The following SNX25 variants were observed in gnomAD, a reference collection of about 807,000 sequenced individuals.
The protein encoded by SNX25 is sorting nexin 25.
Under a neutral mutation model 113.7 loss-of-function variants are expected in SNX25, and 62 were observed. That is an observed-to-expected ratio of 0.55 (90% confidence interval 0.44 to 0.67). The LOEUF (loss-of-function observed/expected upper bound fraction) is 0.67, where lower values mean the gene tolerates loss of function less well. SNX25 is among the 30% of genes least tolerant of loss of function. The pLI is 0.00. For synonymous variants in SNX25, 421 were observed against 436.2 expected, an observed-to-expected ratio of 0.97 and a Z score of 0.43; for missense variants, 1,014 against 1,161.0, an observed-to-expected ratio of 0.87 and a Z score of 1.84.
At chr4:185,258,797 G>A in intron 2 of SNX25, 51 bp from the exon 3 acceptor site, 3 of 1,448,702 alleles carry the variant, frequency 2.1e-6, no homozygotes, top group Non-Finnish European at 1.9e-6. Context: ...TGCAGTCTTG[G>A]TGTTTGCTTC....
intron 1 of SNX25, among the ~76,000 whole-genome samples, chr4:185,231,437 C>T (rs573751585): frequency 8.8e-4 from 134 of 151,424 alleles, no homozygotes; most frequent in Non-Finnish European, 1.6e-3. Flanking sequence ...TGGCCGGACG[C>T]GGTGGCTCAC....
At chr4:185,212,491 G>GTGTGTGTGTTTGTTTT (rs546083196) in intron 1 of SNX25, among the ~76,000 whole-genome samples, 2 of 104,944 alleles carry the variant, frequency 1.9e-5, no homozygotes, top group African/African-American at 7.4e-5. Context: ...GTGTGTGTGT[G>GTGTGTGTGTTTGTTTT]TTTTTTTTTT....
chr4:185,344,230 A>T (rs1221924407), intron 12 of SNX25, among the ~76,000 whole-genome samples: 3 of 152,164 alleles, frequency 2.0e-5, no homozygotes, highest in Non-Finnish European at 4.4e-5. Context: ...CAAAAAATAA[A>T]AATAAAAATT....
Position 185,351,602 on chromosome 4 carries a change from A to G in SNX25, c.2459A>G (p.His820Arg). The G allele has an allele frequency of 6.2e-7, 1 of 1,613,930 alleles. No individual in the cohort carries two copies. The highest frequency in any genetic ancestry group is 8.5e-7 in the Non-Finnish European group (1 of 1,179,954). ...AGACTTCCTCGCGACTTCTTCTCCC[A>G]CCAGGAGGTGAGCCGTTGAAAGAGT... The part of the protein sequence containing the change: ...LERLPRDFFS[H>R]QEEETEEDSD... Residue 820 changes from histidine (H) to arginine (R), a missense_variant, in exon 14 of 19, where the codon CAC becomes CGC. By Grantham distance (29) the His-to-Arg change is conservative. Transcript: ENST00000652585.
rs1463739728 is a variant in SNX25 at position 185,323,817 on chromosome 4, T to C, written c.1749+17T>C. On this transcript the variant is annotated intron_variant, in intron 9 of 18. Coordinates refer to ENST00000652585, the MANE Select transcript of SNX25 (RefSeq NM_001378034.2). ...GATGAGATGGTGAGTCACATTTAAC[T>C]TTCTGCTCCTTTTTATTGGATAAGC... 6.2e-7 allele frequency: 1 copy of C among 1,607,580 alleles called. No homozygotes were observed. The highest frequency in any genetic ancestry group is 1.3e-5 in the African/African-American group (1 of 74,414).
intron 6 of SNX25, among the ~76,000 whole-genome samples, chr4:185,309,634 C>T (rs184245907): frequency 3.6e-4 from 55 of 152,248 alleles, no homozygotes; most frequent in Admixed American, 7.2e-4. Flanking sequence ...CCCTGCCCAG[C>T]CAGTCACTGG....
At chr4:185,292,463 A>C (rs1472305622) in intron 6 of SNX25, among the ~76,000 whole-genome samples, 1 of 152,108 alleles carries the variant, frequency 6.6e-6, no homozygotes, top group Non-Finnish European at 1.5e-5. Context: ...CAATGACACA[A>C]TCTCGGCTCA....
intron 1 of SNX25, among the ~76,000 whole-genome samples, chr4:185,246,382 C>T (rs1744868554): frequency 6.6e-6 from 1 of 152,144 alleles, no homozygotes; most frequent in African/African-American, 2.4e-5. Context: ...TGAAAACAAC[C>T]ATTTCCCTGT....
At chr4:185,234,321 A>T (rs1742299796) in intron 1 of SNX25, among the ~76,000 whole-genome samples, 1 of 152,240 alleles carries the variant, frequency 6.6e-6, no homozygotes, top group Non-Finnish European at 1.5e-5. Flanking sequence ...ACGGCATGAG[A>T]GGTCATAACA....
At chr4:185,224,191 A>ACAGGTG (rs1740463751) in intron 1 of SNX25, among the ~76,000 whole-genome samples, 1 of 151,948 alleles carries the variant, frequency 6.6e-6, no homozygotes, top group Non-Finnish European at 1.5e-5. Context: ...TCTCTACTAG[A>ACAGGTG]AATACAAAAA....
intron 12 of SNX25, among the ~76,000 whole-genome samples, chr4:185,343,839 TAAC>T (rs1466115622): frequency 6.6e-6 from 1 of 152,146 alleles, no homozygotes; most frequent in African/African-American, 2.4e-5. Flanking sequence ...ATCATAATAA[TAAC>T]AAGAGTGAGG....
upstream of SNX25, among the ~76,000 whole-genome samples, chr4:185,204,648 T>G (rs1737107775): frequency 6.6e-6 from 1 of 152,226 alleles, no homozygotes; most frequent in South Asian, 2.1e-4. Flanking sequence ...CTGATGTGAT[T>G]AAGGATCAAA....
At chr4:185,374,075 A>G, downstream of SNX25, 3 of 1,357,388 alleles carry the variant, frequency 2.2e-6, no homozygotes, top group Non-Finnish European at 3.1e-6. Flanking sequence ...TCTCAAAAAA[A>G]GCAGTGAAAC....
chr4:185,315,861 C>T (rs2095070157), intron 7 of SNX25, among the ~76,000 whole-genome samples: 1 of 152,140 alleles, frequency 6.6e-6, no homozygotes, highest in Non-Finnish European at 1.5e-5. Flanking sequence ...GACAGTGGGT[C>T]CTTAGTATAA....
intron 11 of SNX25, among the ~76,000 whole-genome samples, chr4:185,340,793 T>C (rs1018645848): frequency 6.6e-6 from 1 of 152,066 alleles, no homozygotes; most frequent in African/African-American, 2.4e-5. Context: ...GCCCTGGCCG[T>C]CAGTTGCTGC....
chr4:185,304,423 T>G (rs913256392), intron 6 of SNX25, among the ~76,000 whole-genome samples: 1 of 152,182 alleles, frequency 6.6e-6, no homozygotes, highest in Non-Finnish European at 1.5e-5. Flanking sequence ...AAATGGCGCA[T>G]CTCGGCTCAC....
intron 8 of SNX25, among the ~76,000 whole-genome samples, chr4:185,321,481 G>A (rs749867145): frequency 1.3e-5 from 2 of 151,844 alleles, no homozygotes; most frequent in South Asian, 2.1e-4. Flanking sequence ...CAGACTGGTC[G>A]CGAACTCCTG....
At chr4:185,335,029 C>T (rs2095219859) in intron 10 of SNX25, among the ~76,000 whole-genome samples, 1 of 152,052 alleles carries the variant, frequency 6.6e-6, no homozygotes, top group African/African-American at 2.4e-5. Context: ...TTTTTAAAAA[C>T]TTAAGATTGG....
intron 5 of SNX25, among the ~76,000 whole-genome samples, chr4:185,280,292 G>A (rs1031678604): frequency 1.3e-5 from 2 of 151,970 alleles, no homozygotes; most frequent in African/African-American, 4.8e-5. Context: ...AAAGATTTTT[G>A]GTGTATCTAT....
Sources: gnomAD v4.1 joint callset for allele counts (sites outside exome capture counted in the v4.1 genomes callset) on GRCh38, gnomAD v4.1.1 for gene constraint, MANE v1.5 for transcripts, NCBI Gene and HGNC (gene_info 2026-07-23, HGNC 2026-07-21) for gene names.